Variants in METTL15 observed in about 807,000 individuals in gnomAD.
The protein encoded by METTL15 is methyltransferase 15, mitochondrial 12S rRNA N4-cytidine.
In METTL15, 34 loss-of-function variants were observed where a neutral mutation model predicts 38.3. The observed-to-expected ratio is 0.89, with a 90% CI of 0.68 to 1.18. The LOEUF (loss-of-function observed/expected upper bound fraction) is 1.18, where lower values mean the gene tolerates loss of function less well. Ranked by LOEUF, METTL15 falls within the 50% of genes most tolerant of loss-of-function variation. The pLI, the probability that METTL15 is intolerant of heterozygous loss-of-function variation, is 0.00. For synonymous variants in METTL15, 162 were observed against 170.9 expected (o/e 0.95, Z 0.41); for missense variants, 438 against 498.4 (o/e 0.88, Z 1.15).
At chr11:28,112,352 C>T (rs928844122) in intron 2 of METTL15, among the ~76,000 whole-genome samples, 46 of 152,072 alleles carry the variant, frequency 3.0e-4, no homozygotes, top group African/African-American at 1.0e-3. Flanking sequence ...TTTGTGTATA[C>T]GAAGGTGTGG....
Position 28,184,789 on chromosome 11 carries a change from A to G in METTL15, c.271-26273A>G, listed in dbSNP as rs985116033. ...ATGCGAAAGGAAAATGTTAAATAAT[A>G]AGGACTAGTTAAAAATGAAAAATAA... is the stretch of plus-strand genomic sequence containing the variant. On this transcript the variant is annotated intron_variant, in intron 3 of 6. Transcript: ENST00000407364. Among the ~76,000 whole-genome samples, 31 of 151,642 alleles carry G rather than the reference A, an allele frequency of 2.0e-4. No individual in the cohort carries two copies. In the East Asian group the frequency reaches 5.6e-3, roughly 28 times the overall value.
chr11:28,485,448 C>T (rs1201605610), intron 6 of METTL15, among the ~76,000 whole-genome samples: 2 of 151,968 alleles, frequency 1.3e-5, no homozygotes, highest in Non-Finnish European at 2.9e-5. Context: ...AAAACCAAAT[C>T]GCTAAGAAGA....
intron 6 of METTL15, among the ~76,000 whole-genome samples, chr11:28,297,385 T>C (rs1253368697): frequency 1.3e-5 from 2 of 152,148 alleles, no homozygotes; most frequent in African/African-American, 4.8e-5. Context: ...AAAGGAGAAT[T>C]GCATTGCCCA....
chr11:28,114,909 A>G (rs1428182367), intron 3 of METTL15, among the ~76,000 whole-genome samples: 1 of 152,216 alleles, frequency 6.6e-6, no homozygotes, highest in African/African-American at 2.4e-5. Flanking sequence ...AAAGAACATT[A>G]CACTGGCTGA....
intron 4 of METTL15, among the ~76,000 whole-genome samples, chr11:28,241,607 G>C (rs978470643): frequency 3.3e-5 from 5 of 151,764 alleles, no homozygotes; most frequent in Admixed American, 1.3e-4. Flanking sequence ...TGTAGATAAA[G>C]CTTTTTACAG....
intron 3 of METTL15, among the ~76,000 whole-genome samples, chr11:28,118,763 A>G (rs757175514): frequency 6.6e-6 from 1 of 152,156 alleles, no homozygotes; most frequent in African/African-American, 2.4e-5. Flanking sequence ...AGTTTGGTCA[A>G]TTAACTTTCC....
intron 4 of METTL15, among the ~76,000 whole-genome samples, chr11:28,270,398 C>A (rs567253943): frequency 2.0e-5 from 3 of 152,138 alleles, no homozygotes; most frequent in Admixed American, 2.0e-4. Flanking sequence ...CATGTTATAA[C>A]CTTTTCCAGC....
intron 6 of METTL15, among the ~76,000 whole-genome samples, chr11:28,488,217 T>G (rs867221617): frequency 1.6e-4 from 24 of 152,304 alleles, no homozygotes; most frequent in South Asian, 2.1e-4. Flanking sequence ...GCAAAATTAC[T>G]CTATTTTAAA....
chr11:28,344,920 CTGTT>C (rs980027492), intron 3 of METTL15, among the ~76,000 whole-genome samples: 5 of 152,066 alleles, frequency 3.3e-5, no homozygotes, highest in Admixed American at 6.6e-5. Context: ...ATAGTATAGT[CTGTT>C]TGATATATTC....
chr11:28,132,786 T>A (rs898312594), intron 3 of METTL15, among the ~76,000 whole-genome samples: 2 of 152,208 alleles, frequency 1.3e-5, no homozygotes, highest in African/African-American at 2.4e-5. Context: ...CTGAAAAGTT[T>A]GTGAACACTG....
In METTL15 at chr11:28,110,249, AG is replaced by A. The variant is rs2133581311; in HGVS notation, c.-169del. On this transcript the variant is annotated 5_prime_UTR_variant, in exon 2 of 7. Transcript: ENST00000407364. ...GCGGAACCAAAGGCAGACGGTCCTC[AG>A]TTGCTTGGGCGGACGTGGACCCAAT... 1 of 152,370 alleles carries A rather than the reference AG, an allele frequency of 6.6e-6. No homozygotes were observed. The highest frequency in any genetic ancestry group is 1.9e-4 in the East Asian group (1 of 5,178). 9.4% of individuals were successfully genotyped at this position (152,370 alleles called of 1,614,324 possible). A position where few individuals can be genotyped will look rare whatever the true frequency, so the allele number is the denominator to read the frequency against.
intron 6 of METTL15, among the ~76,000 whole-genome samples, chr11:28,475,991 T>C (rs960408605): frequency 5.3e-5 from 8 of 152,204 alleles, no homozygotes; most frequent in Non-Finnish European, 1.2e-4. Context: ...GAAACAGTGA[T>C]CTTCAGCTGA....
intron 5 of METTL15, among the ~76,000 whole-genome samples, chr11:28,372,874 G>A (rs1418241310): frequency 6.9e-6 from 1 of 144,908 alleles, no homozygotes; most frequent in African/African-American, 2.5e-5. Context: ...GCGGTGTTTG[G>A]TTTTTTGTTC....
At chr11:28,234,159 A>T (rs1251603590) in intron 4 of METTL15, among the ~76,000 whole-genome samples, 1 of 152,146 alleles carries the variant, frequency 6.6e-6, no homozygotes, top group African/African-American at 2.4e-5. Flanking sequence ...GCAGCGTAGT[A>T]TTCCATGGTG....
chr11:28,410,115 G>A (rs1018037624), intron 5 of METTL15, among the ~76,000 whole-genome samples: 3 of 152,078 alleles, frequency 2.0e-5, no homozygotes, highest in Non-Finnish European at 4.4e-5. Flanking sequence ...AGATTGAAGA[G>A]ATAACTAAAA....
chr11:28,134,422 T>C (rs1849444899), intron 3 of METTL15: 1 of 396,654 alleles, frequency 2.5e-6, no homozygotes, highest in African/African-American at 2.1e-5. Flanking sequence ...GTGGACATAT[T>C]TAGGCAAGGC....
At chr11:28,242,172 A>G (rs1174590202) in intron 4 of METTL15, among the ~76,000 whole-genome samples, 3 of 152,204 alleles carry the variant, frequency 2.0e-5, no homozygotes, top group African/African-American at 7.2e-5. Flanking sequence ...AGAAGTATAC[A>G]TATGTTTGCA....
chr11:28,340,826 T>TGGGATTATAC (rs748919933), intron 3 of METTL15, among the ~76,000 whole-genome samples: 4 of 152,162 alleles, frequency 2.6e-5, no homozygotes, highest in Non-Finnish European at 4.4e-5. Context: ...ACTAGGTGTA[T>TGGGATTATAC]ACCCAAAGGA....
chr11:28,278,745 A>G (rs1036827411), intron 4 of METTL15, among the ~76,000 whole-genome samples: 1 of 152,104 alleles, frequency 6.6e-6, no homozygotes, highest in East Asian at 1.9e-4. Context: ...CATCTTTTGT[A>G]TAGGTAGTTG....
Sources: allele counts gnomAD v4.1 joint callset (sites outside exome capture counted in the v4.1 genomes callset), GRCh38; gene constraint gnomAD v4.1.1; transcripts MANE v1.5; gene names NCBI Gene and HGNC (gene_info 2026-07-23, HGNC 2026-07-21).